Variants in FAM118A observed in about 807,000 individuals in gnomAD.
The protein encoded by FAM118A is protein FAM118A.
In FAM118A, 25 loss-of-function variants were observed where a neutral mutation model predicts 38.2. That is an observed-to-expected ratio of 0.65 (90% CI 0.48 to 0.91). The LOEUF is 0.91. Among genes scored for constraint, FAM118A ranks in the 40% least tolerant of loss-of-function variants. FAM118A has a pLI of 0.00. For missense variants in FAM118A, 425 were observed against 463.3 expected (o/e 0.92, Z 0.76); for synonymous variants, 178 against 184.1 (o/e 0.97, Z 0.27).
At chr22:45,325,328 T>G (rs1321930798) in intron 3 of FAM118A, among the ~76,000 whole-genome samples, 2 of 152,152 alleles carry the variant, frequency 1.3e-5, no homozygotes, top group African/African-American at 4.8e-5. Flanking sequence ...CACAGCTGTG[T>G]TGAGAGTCGG....
At chr22:45,337,893 C>T in intron 8 of FAM118A, 3 of 985,364 alleles carry the variant, frequency 3.0e-6, no homozygotes, top group Non-Finnish European at 3.6e-6. Flanking sequence ...GTTGTGATTC[C>T]CCCGGACTCC....
chr22:45,309,755 CGGTGGGCGGGACCGTGGTCACCGA>C, upstream of FAM118A: 1 of 151,764 alleles, frequency 6.6e-6, no homozygotes, highest in East Asian at 2.0e-4. Flanking sequence ...GTGGCCTCCC[CGGTGGGCGGGACCGTGGTCACCGA>C]GGTGGGCGGT....
At chr22:45,325,022 G>A (rs918079647) in intron 3 of FAM118A, among the ~76,000 whole-genome samples, 19 of 152,146 alleles carry the variant, frequency 1.2e-4, no homozygotes, top group African/African-American at 4.6e-4. Flanking sequence ...ACTCTATCCT[G>A]GGCAACAAAA....
At chr22:45,319,938 G>A (rs1034181813) in intron 1 of FAM118A, among the ~76,000 whole-genome samples, 5 of 152,136 alleles carry the variant, frequency 3.3e-5, no homozygotes, top group African/African-American at 7.2e-5. Context: ...GGGTAAGGTC[G>A]CAGACATGTT....
intron 8 of FAM118A, among the ~76,000 whole-genome samples, chr22:45,337,360 G>A (rs970563045): frequency 8.5e-5 from 13 of 152,194 alleles, no homozygotes; most frequent in Non-Finnish European, 1.6e-4. Flanking sequence ...TGGGCCCAGT[G>A]CCACGCCGCC....
chr22:45,322,494 G>A (rs999389793), intron 2 of FAM118A, 68 bp downstream of exon 2: 5 of 1,369,264 alleles, frequency 3.7e-6, no homozygotes, highest in South Asian at 1.3e-5. Context: ...GTGAGTGTGC[G>A]CACTCGTTCT....
At chr22:45,309,142 T>A (rs1327885542), upstream of FAM118A, 2 of 151,720 alleles carry the variant, frequency 1.3e-5, no homozygotes, top group East Asian at 3.9e-4. Context: ...GCGCGAGGAG[T>A]CAGGGGGCCT....
At chr22:45,334,357 G>A (rs557391450) in intron 6 of FAM118A, among the ~76,000 whole-genome samples, 1 of 152,330 alleles carries the variant, frequency 6.6e-6, no homozygotes, top group South Asian at 2.1e-4. Context: ...ACAGAGGCAG[G>A]TATATGTGAC....
Position 45,336,344 on chromosome 22 carries a change from C to T in FAM118A, c.987C>T (p.Asp329=). The stretch of plus-strand genomic sequence containing the variant: ...CTCTTTTAGGTAATGCATGCCAGGA[C>T]TGTGCAAAGAGGAAGTTAGAAGAGA... ...STTLLGNACQ[D]CAKRKLEENG... is the part of the protein sequence containing the mutation. Residue 329 remains aspartate, a synonymous_variant, in exon 8 of 9, where the codon GAC becomes GAT. Transcript: ENST00000441876. The T allele has an allele frequency of 6.2e-7, 1 of 1,613,674 alleles. No homozygotes were observed. The highest frequency in any genetic ancestry group is 8.5e-7 in the Non-Finnish European group (1 of 1,179,642).
intron 1 of FAM118A, 82 bp downstream of exon 1, chr22:45,310,265 G>T (rs1434384824): frequency 2.6e-5 from 4 of 151,304 alleles, no homozygotes; most frequent in African/African-American, 9.7e-5. Flanking sequence ...CCCCGGCCCC[G>T]GGGCCACCCC....
chr22:45,312,545 G>A (rs1318678405), intron 1 of FAM118A, among the ~76,000 whole-genome samples: 1 of 152,138 alleles, frequency 6.6e-6, no homozygotes, highest in Admixed American at 6.5e-5. Flanking sequence ...ATGGTGGTGT[G>A]CACCTGTAAT....
At chr22:45,311,905 C>T (rs1221263460) in intron 1 of FAM118A, among the ~76,000 whole-genome samples, 2 of 151,900 alleles carry the variant, frequency 1.3e-5, no homozygotes, top group African/African-American at 2.4e-5. Flanking sequence ...GTCCTATTAC[C>T]GTAGGGTCTG....
chr22:45,322,248 T>C (rs757814765), intron 1 of FAM118A, 123 bp from the exon 2 acceptor site: 3 of 1,557,142 alleles, frequency 1.9e-6, no homozygotes, highest in Admixed American at 1.9e-5. Flanking sequence ...TTTTCAGATA[T>C]TATAATTTAA....
upstream of FAM118A, chr22:45,309,314 T>C (rs1416851907): frequency 6.6e-6 from 1 of 152,192 alleles, no homozygotes; most frequent in Non-Finnish European, 1.5e-5. Context: ...CCGTGCTGGC[T>C]TCTGGGAACC....
At chr22:45,314,116 T>TC (rs1569119112) in intron 1 of FAM118A, among the ~76,000 whole-genome samples, 1 of 152,094 alleles carries the variant, frequency 6.6e-6, no homozygotes, top group African/African-American at 2.4e-5. Context: ...CCTACCTCCT[T>TC]CCCCCAAGGA....
intron 1 of FAM118A, among the ~76,000 whole-genome samples, chr22:45,313,550 C>T (rs978206998): frequency 2.0e-5 from 3 of 152,006 alleles, no homozygotes; most frequent in South Asian, 2.1e-4. Context: ...CTTAAACTCC[C>T]AACCTCAGGT....
chr22:45,316,878 T>C (rs2146598407), intron 1 of FAM118A, among the ~76,000 whole-genome samples: 1 of 152,310 alleles, frequency 6.6e-6, no homozygotes, highest in South Asian at 2.1e-4. Context: ...CACTGTGGAT[T>C]GACTACAGGT....
At chr22:45,336,736 T>C (rs906900945) in intron 8 of FAM118A, among the ~76,000 whole-genome samples, 7 of 152,194 alleles carry the variant, frequency 4.6e-5, no homozygotes, top group African/African-American at 1.4e-4. Context: ...ACAAGTTACA[T>C]AAGGTCAGCT....
chr22:45,314,272 C>A (rs962627476), intron 1 of FAM118A, among the ~76,000 whole-genome samples: 1 of 152,246 alleles, frequency 6.6e-6, no homozygotes, highest in East Asian at 1.9e-4. Flanking sequence ...AGGGGCTGGT[C>A]TTTTTCCTGG....
Sources: gnomAD v4.1 joint callset for allele counts (sites outside exome capture counted in the v4.1 genomes callset) on GRCh38, gnomAD v4.1.1 for gene constraint, MANE v1.5 for transcripts, NCBI Gene and HGNC (gene_info 2026-07-23, HGNC 2026-07-21) for gene names.